Variants in MPDZ observed in about 807,000 individuals in gnomAD.
The protein encoded by MPDZ is multiple PDZ domain crumbs cell polarity complex component.
In MPDZ, 234 loss-of-function variants were observed where a neutral mutation model predicts 239.1. The observed-to-expected ratio is 0.98, with a 90% CI of 0.88 to 1.09. MPDZ has a LOEUF of 1.09. Among genes scored for constraint, MPDZ ranks in the 50% least tolerant of loss-of-function variants. The pLI is 0.00. For missense variants in MPDZ, 3,175 were observed against 2,510.0 expected (o/e 1.26, Z -5.66); for synonymous variants, 1,048 against 881.3 (o/e 1.19, Z -3.35).
intron 27 of MPDZ, 88 bp downstream of exon 27, chr9:13,143,378 T>A: frequency 1.0e-6 from 1 of 1,000,392 alleles, no homozygotes; most frequent in South Asian, 1.6e-5. Context: ...ATGTAGCAAA[T>A]AGTGAACTGG....
At chr9:13,153,490 CTG>C (rs1287171719) in intron 24 of MPDZ, among the ~76,000 whole-genome samples, 1 of 152,100 alleles carries the variant, frequency 6.6e-6, no homozygotes, top group Non-Finnish European at 1.5e-5. Flanking sequence ...GCAGCCCAGT[CTG>C]GAGTGCAGTG....
At chr9:13,236,097 T>C (rs1020417373) in intron 3 of MPDZ, among the ~76,000 whole-genome samples, 1 of 150,564 alleles carries the variant, frequency 6.6e-6, no homozygotes, top group African/African-American at 2.4e-5. Flanking sequence ...AAAGATCTTA[T>C]TCATTCTTAA....
chr9:13,110,147 G>A (rs917061899), intron 44 of MPDZ, 83 bp from the exon 45 acceptor site: 6 of 848,666 alleles, frequency 7.1e-6, no homozygotes, highest in African/African-American at 1.7e-5. Flanking sequence ...AGAGCACTTG[G>A]ATTAAAATGT....
rs1385467856 is a variant in MPDZ at position 13,192,295 on chromosome 9, CCTGTGAAAAAAGATACA to C, written c.1804-17_1804-1del. On this transcript the variant is annotated splice_acceptor_variant and splice_polypyrimidine_tract_variant and intron_variant, in intron 14 of 46. Transcript: ENST00000319217. LOFTEE classifies it high-confidence loss of function. ...TCCCCAAGTAAAGTTATGCCATTTA[CCTGTGAAAAAAGATACA>C]TTGTCCAACAAACAACACTTCATAA... 13 of 1,591,018 alleles carry C rather than the reference CCTGTGAAAAAAGATACA, an allele frequency of 8.2e-6. No homozygotes were observed. Among genetic ancestry groups the C allele is most frequent in the Non-Finnish European group, 1.1e-5 (13 of 1,167,248 alleles).
At position 13,190,285 on chromosome 9, in the gene MPDZ, T is replaced by C; in HGVS notation, c.1983A>G (p.Leu661=). The C allele has an allele frequency of 6.3e-7, 1 of 1,589,186 alleles. No individual in the cohort carries two copies. The highest frequency in any genetic ancestry group is 8.6e-7 in the Non-Finnish European group (1 of 1,168,428). ...IELTEKPHVD[L]GEFIGSSETE... The stretch of plus-strand genomic sequence containing the variant: ...TCTCTGATGACCCGATGAACTCACC[T>C]AGATCTACGTGAGGCTGGATAATAT... Residue 661 remains leucine (L), a synonymous_variant, in exon 16 of 47, where the codon CTA becomes CTG. Transcript: ENST00000319217.
intron 32 of MPDZ, among the ~76,000 whole-genome samples, chr9:13,133,429 ATTTTT>A (rs1946293908): frequency 6.6e-6 from 1 of 152,162 alleles, no homozygotes; most frequent in South Asian, 2.1e-4. Flanking sequence ...GAGCTTTCTT[ATTTTT>A]AAAGGACAAG....
At chr9:13,129,716 T>G (rs1482936972) in intron 32 of MPDZ, among the ~76,000 whole-genome samples, 2 of 151,994 alleles carry the variant, frequency 1.3e-5, no homozygotes, top group East Asian at 1.9e-4. Flanking sequence ...TTTTTGTGGG[T>G]TTTTTTCTGT....
chr9:13,184,415 A>AT (rs914508508), intron 18 of MPDZ, among the ~76,000 whole-genome samples: 32 of 149,550 alleles, frequency 2.1e-4, no homozygotes, highest in Non-Finnish European at 2.8e-4. Context: ...ATATGTTCTA[A>AT]TTTTTTTTTT....
In MPDZ at chr9:13,248,976, C is replaced by CAAAAAAAAAAAAAAAAAAAAAA. The variant is rs71331534; in HGVS notation, c.17-1197_17-1176dup. 8.9e-4 allele frequency among the ~76,000 whole-genome samples: 32 copies of CAAAAAAAAAAAAAAAAAAAAAA among 35,820 alleles called. 3 individuals carry two copies. The highest frequency in any genetic ancestry group is 2.4e-3 in the South Asian group (1 of 422). The allele number at this position is 35,820 out of a possible 152,430, so 23.5% of individuals were successfully genotyped here. A position where few individuals can be genotyped will look rare whatever the true frequency, so the allele number is the denominator to read the frequency against. ...CGACAGAGTGAGTGAGACTCCATCT[C>CAAAAAAAAAAAAAAAAAAAAAA]AAAAAAAAAAAAAAAAAAAAAAAAA... On this transcript the variant is annotated intron_variant, in intron 2 of 46. Coordinates refer to ENST00000319217, the MANE Select transcript of MPDZ (RefSeq NM_001378778.1).
intron 12 of MPDZ, among the ~76,000 whole-genome samples, chr9:13,202,204 C>G (rs935824855): frequency 6.6e-6 from 1 of 152,148 alleles, no homozygotes; most frequent in Non-Finnish European, 1.5e-5. Flanking sequence ...AACTAAAACA[C>G]TTCCCTGGAA....
chr9:13,203,581 G>A (rs1333924469), intron 12 of MPDZ, among the ~76,000 whole-genome samples: 1 of 152,064 alleles, frequency 6.6e-6, no homozygotes, highest in Non-Finnish European at 1.5e-5. Flanking sequence ...AAATATCTGT[G>A]GAAGAGGCAA....
At chr9:13,245,228 T>C (rs1024254808) in intron 3 of MPDZ, among the ~76,000 whole-genome samples, 6 of 151,892 alleles carry the variant, frequency 4.0e-5, no homozygotes, top group African/African-American at 1.4e-4. Context: ...AATTTTAGAA[T>C]AGAAACTAAT....
intron 32 of MPDZ, among the ~76,000 whole-genome samples, chr9:13,129,618 T>C (rs1945650798): frequency 6.6e-6 from 1 of 152,198 alleles, no homozygotes; most frequent in Non-Finnish European, 1.5e-5. Context: ...ATATAGTCCT[T>C]AGCAAGAAGA....
Position 13,205,046 on chromosome 9 carries a change from A to C in MPDZ, c.1536T>G (p.Thr512=), listed in dbSNP as rs1279224386. ...GCGCTAGGTGTTTACCTTCTTCTTC[A>C]GTTGGTAATATGTTGGTGTTTCTCG... ...SSTRNTNILP[T]EEEGYPLLSA... Residue 512 remains threonine, a synonymous_variant, in exon 12 of 47, where the codon ACT becomes ACG. Transcript: ENST00000319217. 6.9e-7 allele frequency: 1 copy of C among 1,455,672 alleles called. No homozygotes were observed. The highest frequency in any genetic ancestry group is 3.0e-5 in the Admixed American group (1 of 33,434). 90.2% of individuals were successfully genotyped at this position (1,455,672 alleles called of 1,614,324 possible).
At chr9:13,190,700 C>A (rs1298090688) in intron 15 of MPDZ, among the ~76,000 whole-genome samples, 1 of 152,002 alleles carries the variant, frequency 6.6e-6, no homozygotes. Flanking sequence ...TGGATATATG[C>A]AAAAGTTCTA....
chr9:13,269,683 A>G (rs1475659881), intron 1 of MPDZ, among the ~76,000 whole-genome samples: 1 of 152,230 alleles, frequency 6.6e-6, no homozygotes, highest in Non-Finnish European at 1.5e-5. Context: ...TGTACCAAAG[A>G]ATTCCTAGAG....
chr9:13,132,619 T>C (rs1946168941), intron 32 of MPDZ, among the ~76,000 whole-genome samples: 1 of 152,144 alleles, frequency 6.6e-6, no homozygotes, highest in Non-Finnish European at 1.5e-5. Flanking sequence ...ATTAAAACAA[T>C]AATAATAGCA....
At chr9:13,123,999 T>C (rs955825192) in intron 35 of MPDZ, among the ~76,000 whole-genome samples, 11 of 152,238 alleles carry the variant, frequency 7.2e-5, no homozygotes, top group Non-Finnish European at 1.5e-4. Flanking sequence ...CACATTATTT[T>C]ATCAGAGTCT....
chr9:13,122,348 G>A (rs376057477), intron 36 of MPDZ, among the ~76,000 whole-genome samples, 178 bp from the exon 37 acceptor site: 20 of 152,074 alleles, frequency 1.3e-4, no homozygotes, highest in African/African-American at 4.3e-4. Context: ...TTGCTAAAAG[G>A]CTCAAAGGAG....
Sources: gnomAD v4.1 joint callset for allele counts (sites outside exome capture counted in the v4.1 genomes callset) on GRCh38, gnomAD v4.1.1 for gene constraint, MANE v1.5 for transcripts, NCBI Gene and HGNC (gene_info 2026-07-23, HGNC 2026-07-21) for gene names.